The following MYH7B variants were observed in gnomAD, a reference collection of about 807,000 sequenced individuals.
The protein encoded by MYH7B is myosin heavy chain 7B.
A neutral mutation model predicts 234.5 loss-of-function variants in MYH7B; 205 were observed. The observed-to-expected ratio is 0.87, with a 90% CI of 0.78 to 0.98. The LOEUF (loss-of-function observed/expected upper bound fraction) is 0.98, where lower values mean the gene tolerates loss of function less well. MYH7B is among the 50% of genes least tolerant of loss of function. The pLI, the probability that MYH7B is intolerant of heterozygous loss-of-function variation, is 0.00. For missense variants in MYH7B, 2,652 were observed against 2,633.4 expected, an observed-to-expected ratio of 1.01 and a Z score of -0.15; for synonymous variants, 1,193 against 1,105.0, an observed-to-expected ratio of 1.08 and a Z score of -1.58.
chr20:34,963,924 G>A (rs535069711), intron 2 of MYH7B, among the ~76,000 whole-genome samples: 1 of 152,218 alleles, frequency 6.6e-6, no homozygotes, highest in East Asian at 1.9e-4. Flanking sequence ...CATGTTTTAA[G>A]GGGAAATAGT....
Position 34,986,993 on chromosome 20 carries a change from T to A in MYH7B, c.1008+4T>A. On this transcript the variant is annotated splice_donor_region_variant and intron_variant, in intron 15 of 44. Transcript: ENST00000262873. ...GGAGGAGCTCATCGCCACCGACGTA[T>A]GAGCTCTGGTGGGAGGGGAGCTGTG... 6.2e-7 allele frequency: 1 copy of A among 1,612,236 alleles called. No individual in the cohort carries two copies. The highest frequency in any genetic ancestry group is 1.1e-5 in the South Asian group (1 of 91,054).
At chr20:34,981,465 T>C (rs1436051292) in intron 9 of MYH7B, 1 of 221,084 alleles carries the variant, frequency 4.5e-6, no homozygotes, top group East Asian at 1.6e-4. Flanking sequence ...TGTGGGAAAA[T>C]GGTAGAATAA....
At chr20:34,986,789 G>A in intron 14 of MYH7B, 97 bp from the exon 15 acceptor site, 1 of 970,734 alleles carries the variant, frequency 1.0e-6, no homozygotes. Context: ...GACTCCTGCT[G>A]GGCTTGCCCC....
chr20:34,981,952 C>G (rs1413865303), intron 9 of MYH7B: 5 of 153,320 alleles, frequency 3.3e-5, no homozygotes, highest in African/African-American at 9.8e-5. Context: ...CTTGGGGAGG[C>G]TGAGGCAGGA....
In MYH7B at chr20:34,987,613, C is replaced by T. The variant is rs368225393; in HGVS notation, c.1204C>T (p.Leu402Phe). 8 of 1,614,014 alleles carry T rather than the reference C, an allele frequency of 5.0e-6. No homozygotes were observed. In the African/African-American group the frequency reaches 9.3e-5, roughly 19 times the overall value. Reference sequence around the variant, plus strand: ...CAGCAGTGGGGACCTCCTCAAAGGCCTTTTGCACCCCCGGGTGCGTGTAGG... The same window carrying T: ...CAGCAGTGGGGACCTCCTCAAAGGCTTTTTGCACCCCCGGGTGCGTGTAGG... Residue 402 changes from leucine to phenylalanine, a missense_variant, in exon 17 of 45, where the codon CTT (leucine) becomes TTT (phenylalanine). Transcript: ENST00000262873.
At position 34,999,704 on chromosome 20, in the gene MYH7B, CTGGCTGCAGGGGT is replaced by C. The variant is rs1384927671; in HGVS notation, c.4665+10_4665+22del. 2 of 1,611,060 alleles carry C rather than the reference CTGGCTGCAGGGGT, an allele frequency of 1.2e-6. No homozygotes were observed. Among genetic ancestry groups the C allele is most frequent in the African/African-American group, 2.7e-5 (2 of 74,546 alleles). The stretch of plus-strand genomic sequence containing the variant: ...CACTGGAGGAGGCAGAGGTCAGGGG[CTGGCTGCAGGGGT>C]GGGTGGACACTGACCTGCTGCTCCA... On this transcript the variant is annotated intron_variant, in intron 37 of 44. Coordinates refer to ENST00000262873, the Ensembl canonical transcript of MYH7B.
At chr20:35,002,016 G>A in exon 44 of MYH7B, 1 of 1,614,076 alleles carries the variant, frequency 6.2e-7, no homozygotes, top group Non-Finnish European at 8.5e-7. Flanking sequence ...ATGCGGAGGA[G>A]CGGGCAGACA....
At chr20:34,956,090 A>G (rs1569021848) in intron 1 of MYH7B, 83 bp downstream of exon 1, 1 of 152,008 alleles carries the variant, frequency 6.6e-6, no homozygotes, top group Non-Finnish European at 1.5e-5. Context: ...GACAGTCACT[A>G]CCTCAGGGGC....
At chr20:34,987,725 C>G in intron 17 of MYH7B, 40 bp from the exon 18 acceptor site, 2 of 1,613,496 alleles carry the variant, frequency 1.2e-6, no homozygotes, top group Non-Finnish European at 1.7e-6. Flanking sequence ...GCAGGGTCCC[C>G]TCCTTGCCAG....
chr20:34,960,013 A>T (rs561631593), intron 2 of MYH7B, among the ~76,000 whole-genome samples: 2 of 152,304 alleles, frequency 1.3e-5, no homozygotes, highest in East Asian at 3.9e-4. Context: ...TGGTGTTCCC[A>T]CATATGTACC....
chr20:34,979,972 A>T, intron 7 of MYH7B, 168 bp downstream of exon 7: 3 of 207,948 alleles, frequency 1.4e-5, no homozygotes, highest in Admixed American at 1.1e-4. Flanking sequence ...GTGAGCGATG[A>T]GGCGGGGCTC....
exon 42 of MYH7B, chr20:35,001,325 C>A (rs954119366): frequency 5.0e-6 from 8 of 1,611,558 alleles, no homozygotes; most frequent in Non-Finnish European, 6.8e-6. Flanking sequence ...AGCATGAGCG[C>A]CGTGTCAAGG....
chr20:34,978,098 T>C lies in MYH7B; in HGVS notation c.91+2T>C. 6.2e-7 allele frequency: 1 copy of C among 1,613,716 alleles called. No homozygotes were observed. On this transcript the variant is annotated splice_donor_variant, in intron 5 of 44. Transcript: ENST00000262873. LOFTEE classifies it high-confidence loss of function. ...AGGTGCACACTATCCCATGGGACGG[T>C]AAGTGGAGACAGAGGGGGAGGGGTC...
chr20:34,960,229 G>T (rs144576019), intron 2 of MYH7B, among the ~76,000 whole-genome samples: 2 of 152,072 alleles, frequency 1.3e-5, no homozygotes, highest in African/African-American at 4.8e-5. Context: ...TCTGGACTGT[G>T]GGTTTTTTTT....
intron 16 of MYH7B, 31 bp from the exon 17 acceptor site, chr20:34,987,526 C>T (rs773968099): frequency 4.6e-6 from 7 of 1,512,036 alleles, no homozygotes; most frequent in African/African-American, 1.8e-5. Flanking sequence ...TGGTGGTGTC[C>T]TCCTCCCTTA....
chr20:34,979,399 G>T, exon 6 of MYH7B: 1 of 1,612,970 alleles, frequency 6.2e-7, no homozygotes, highest in Non-Finnish European at 8.5e-7. Flanking sequence ...GGGAAGAAGC[G>T]AGTCTGGGTG....
At position 34,979,378 on chromosome 20, in the gene MYH7B, T is replaced by C; in HGVS notation, c.92-12T>C. On this transcript the variant is annotated splice_polypyrimidine_tract_variant and intron_variant, in intron 5 of 44. Coordinates refer to ENST00000262873, the Ensembl canonical transcript of MYH7B. Reference sequence around the variant, plus strand: ...GCCCCTCTCTGAGTCCAGAGCTCTCTCTGCAACCCAGGGAAGAAGCGAGTC... The same window carrying C: ...GCCCCTCTCTGAGTCCAGAGCTCTCCCTGCAACCCAGGGAAGAAGCGAGTC... The C allele has an allele frequency of 6.2e-7, 1 of 1,605,760 alleles. No individual in the cohort carries two copies. Among genetic ancestry groups the C allele is most frequent in the Admixed American group, 1.7e-5 (1 of 59,074 alleles).
At chr20:34,982,639 C>G (rs1600427374) in intron 10 of MYH7B, 84 bp downstream of exon 10, 1 of 1,251,130 alleles carries the variant, frequency 8.0e-7, no homozygotes, top group Non-Finnish European at 1.1e-6. Flanking sequence ...TTTTTTCCCC[C>G]TTTTTAAAAA....
At chr20:34,977,592 G>T in intron 3 of MYH7B, 40 bp from the exon 4 acceptor site, 1 of 1,561,414 alleles carries the variant, frequency 6.4e-7, no homozygotes, top group South Asian at 1.2e-5. Context: ...TGTGACACGT[G>T]GAGATTGCTG....
Sources: allele counts gnomAD v4.1 joint callset (sites outside exome capture counted in the v4.1 genomes callset), GRCh38; gene constraint gnomAD v4.1.1; transcripts MANE v1.5; gene names NCBI Gene and HGNC (gene_info 2026-07-23, HGNC 2026-07-21).